Variants in CAST observed in about 807,000 individuals in gnomAD.
CAST encodes calpastatin.
CAST carries 76 observed loss-of-function variants against 119.6 expected under a neutral mutation model. The ratio of observed to expected loss-of-function variants is 0.64; its 90% CI spans 0.53 to 0.77. The LOEUF (loss-of-function observed/expected upper bound fraction) is 0.77, where lower values mean the gene tolerates loss of function less well. Among genes scored for constraint, CAST ranks in the 30% least tolerant of loss-of-function variants. CAST has a pLI of 0.00. For missense variants in CAST, 953 were observed against 946.5 expected (o/e 1.01, Z -0.09); for synonymous variants, 319 against 331.6 (o/e 0.96, Z 0.41).
At chr5:95,989,527 C>G in the CAST span, among the ~76,000 whole-genome samples, 1 of 152,172 alleles carries the variant, frequency 6.6e-6, no homozygotes, top group African/African-American at 2.4e-5. Flanking sequence ...CTGCTAATTG[C>G]TGAACATTCT....
At chr5:96,138,947 C>T in the CAST span, among the ~76,000 whole-genome samples, 1 of 151,862 alleles carries the variant, frequency 6.6e-6, no homozygotes, top group African/African-American at 2.4e-5. Context: ...CAAACTAGGA[C>T]TTCTGGTACA....
the CAST span, among the ~76,000 whole-genome samples, chr5:96,051,199 C>A: frequency 1.4e-3 from 211 of 151,050 alleles, no homozygotes; most frequent in African/African-American, 4.9e-3. Flanking sequence ...TTCATTCAGG[C>A]GTGTGTGTGT....
At chr5:96,127,361 C>T in the CAST span, among the ~76,000 whole-genome samples, 2 of 151,902 alleles carry the variant, frequency 1.3e-5, no homozygotes, top group African/African-American at 4.8e-5. Context: ...AAAAATCTAC[C>T]TGATAATTCA....
At chr5:96,743,379 G>GTTGAA (rs1245927686) in intron 16 of CAST, among the ~76,000 whole-genome samples, 1 of 152,172 alleles carries the variant, frequency 6.6e-6, no homozygotes, top group East Asian at 1.9e-4. Context: ...CAGTCCTCTG[G>GTTGAA]GGTGAAAGAG....
Position 96,754,272 on chromosome 5 carries a change from A to G in CAST, c.1626+111A>G, listed in dbSNP as rs27772. 264,268 of 736,358 alleles carry G rather than the reference A, an allele frequency of 0.36. 50,640 individuals are homozygous for G. Among genetic ancestry groups the G allele is most frequent in the East Asian group, 0.57 (21,369 of 37,490 alleles). 45.6% of individuals were successfully genotyped at this position (736,358 alleles called of 1,614,324 possible). A position where few individuals can be genotyped will look rare whatever the true frequency, so the allele number is the denominator to read the frequency against. On this transcript the variant is annotated intron_variant, in intron 21 of 31. Transcript: ENST00000675179. ...TTTATATTTCCTGTAAAACATGACC[A>G]GCTGGCTTTTTCTATTATTGTGCAT...
chr5:96,661,617 T>G (rs1748500427), upstream of CAST, among the ~76,000 whole-genome samples: 1 of 152,094 alleles, frequency 6.6e-6, no homozygotes. Context: ...ACGTAGGGCT[T>G]GTTAAATTTC....
chr5:96,617,660 T>C (rs181550794), intron 1 of CAST, among the ~76,000 whole-genome samples: 181 of 151,412 alleles, frequency 1.2e-3, no homozygotes, highest in Non-Finnish European at 2.1e-3. Context: ...GGCATGGTGG[T>C]GGGTGCCAGT....
At chr5:96,115,909 A>G in the CAST span, among the ~76,000 whole-genome samples, 29 of 151,464 alleles carry the variant, frequency 1.9e-4, no homozygotes, top group Non-Finnish European at 3.8e-4. Context: ...ACTTCCTGAC[A>G]TGGTCATTTC....
chr5:96,270,985 A>G, the CAST span, among the ~76,000 whole-genome samples: 2 of 147,472 alleles, frequency 1.4e-5, no homozygotes, highest in Non-Finnish European at 3.0e-5. Context: ...TTTATACACT[A>G]ACAGCAAATA....
At chr5:96,025,534 C>T in the CAST span, among the ~76,000 whole-genome samples, 1 of 152,148 alleles carries the variant, frequency 6.6e-6, no homozygotes, top group African/African-American at 2.4e-5. Flanking sequence ...TCTTGCGTAT[C>T]TTCTATGTGC....
the CAST span, among the ~76,000 whole-genome samples, chr5:96,131,303 ACC>A: frequency 1.6e-4 from 24 of 151,894 alleles, no homozygotes; most frequent in Admixed American, 5.9e-4. Flanking sequence ...TATTTTTAAA[ACC>A]CTTTCTATGT....
At chr5:96,109,397 C>A in the CAST span, among the ~76,000 whole-genome samples, 1 of 152,122 alleles carries the variant, frequency 6.6e-6, no homozygotes, top group South Asian at 2.1e-4. Context: ...TTTTCCAAAA[C>A]CAAATTGTGT....
At chr5:96,765,622 T>C (rs2150725548) in intron 26 of CAST, among the ~76,000 whole-genome samples, 1 of 152,278 alleles carries the variant, frequency 6.6e-6, no homozygotes, top group South Asian at 2.1e-4. Context: ...TTAGCTGTTG[T>C]CCTTCAGGGT....
At chr5:96,508,959 A>G in the CAST span, among the ~76,000 whole-genome samples, 1 of 152,224 alleles carries the variant, frequency 6.6e-6, no homozygotes, top group African/African-American at 2.4e-5. Context: ...ATTTAGAATA[A>G]TAACATTTTC....
the CAST span, chr5:96,412,588 T>G: frequency 8.4e-7 from 1 of 1,189,460 alleles, no homozygotes; most frequent in African/African-American, 1.5e-5. Flanking sequence ...TAAAGGATTT[T>G]AAGAGTCAAA....
chr5:96,047,276 G>A, the CAST span, among the ~76,000 whole-genome samples: 15 of 152,208 alleles, frequency 9.9e-5, no homozygotes, highest in East Asian at 1.9e-4. Context: ...GCAGGGGTAC[G>A]TCTATATACT....
chr5:96,477,096 A>G, the CAST span, among the ~76,000 whole-genome samples: 1 of 150,354 alleles, frequency 6.7e-6, no homozygotes, highest in Non-Finnish European at 1.5e-5. Context: ...ACACACACAC[A>G]CACACACACA....
the CAST span, among the ~76,000 whole-genome samples, chr5:96,495,996 G>A: frequency 6.6e-6 from 1 of 152,104 alleles, no homozygotes; most frequent in Non-Finnish European, 1.5e-5. Context: ...AAATTTATAG[G>A]TCACTGTTTG....
At chr5:95,983,475 T>A in the CAST span, among the ~76,000 whole-genome samples, 1 of 152,246 alleles carries the variant, frequency 6.6e-6, no homozygotes, top group South Asian at 2.1e-4. Flanking sequence ...GGCATTTTTT[T>A]ATTACTTTTG....
Sources: gnomAD v4.1 joint callset for allele counts (sites outside exome capture counted in the v4.1 genomes callset) on GRCh38, gnomAD v4.1.1 for gene constraint, MANE v1.5 for transcripts, NCBI Gene and HGNC (gene_info 2026-07-23, HGNC 2026-07-21) for gene names.